The following DDAH1 variants were observed in gnomAD, a reference collection of about 807,000 sequenced individuals.
DDAH1 encodes the protein dimethylarginine dimethylaminohydrolase 1.
DDAH1 carries 19 observed loss-of-function variants against 28.8 expected under a neutral mutation model. The ratio of observed to expected loss-of-function variants is 0.66; its 90% CI spans 0.46 to 0.97. DDAH1 has a LOEUF of 0.97. Ranked by LOEUF, DDAH1 falls within the 50% of genes least tolerant of loss-of-function variation. The pLI, the probability that DDAH1 is intolerant of heterozygous loss-of-function variation, is 0.00. For missense variants in DDAH1, 326 were observed against 375.9 expected (o/e 0.87, Z 1.10); for synonymous variants, 153 against 154.4 (o/e 0.99, Z 0.07).
intron 1 of DDAH1, among the ~76,000 whole-genome samples, chr1:85,523,181 C>A (rs1657751097): frequency 6.6e-6 from 1 of 152,082 alleles, no homozygotes; most frequent in Admixed American, 6.5e-5. Flanking sequence ...GTGGAAAATT[C>A]AAAGCTGAGG....
chr1:85,499,454 C>T (rs535919201), intron 1 of DDAH1, among the ~76,000 whole-genome samples: 1 of 152,248 alleles, frequency 6.6e-6, no homozygotes, highest in Non-Finnish European at 1.5e-5. Context: ...GTGGGTGGCT[C>T]ACAAGGTCAG....
Position 85,576,806 on chromosome 1 carries a change from G to A in DDAH1, c.-123+1178C>T, listed in dbSNP as rs547693198. 4 of 152,716 alleles carry A rather than the reference G, an allele frequency of 2.6e-5. No individual in the cohort carries two copies. In the East Asian group the frequency reaches 5.9e-4, roughly 22 times the overall value. The allele number at this position is 152,716 out of a possible 1,614,324, so 9.5% of individuals were successfully genotyped here. ...CAGGGCGGACTTCGGCCCTCAGAGG[G>A]GTGAGGACTGGGGCCAAACTGCCCG... On this transcript the variant is annotated intron_variant, in intron 1 of 6. Transcript: ENST00000426972.
intron 1 of DDAH1, among the ~76,000 whole-genome samples, chr1:85,437,751 T>A (rs998259260): frequency 6.6e-6 from 1 of 152,236 alleles, no homozygotes; most frequent in African/African-American, 2.4e-5. Context: ...AATGTAAAGT[T>A]ATAAAATTTT....
rs201957050 is a variant in DDAH1 at position 85,538,703 on chromosome 1, G to C, written c.-123+39281C>G. On this transcript the variant is annotated intron_variant, in intron 1 of 6. Coordinates refer to the DDAH1 transcript ENST00000426972. ...GTCAAAATGAAAAGGCTCTGAAATT[G>C]CTGAGAAAGGAAAGAAGTGAAAGCA... Among the ~76,000 whole-genome samples the C allele has an allele frequency of 4.0e-3, 612 of 152,262 alleles. 7 individuals carry two copies. Among genetic ancestry groups the C allele is most frequent in the Admixed American group, 0.018 (275 of 15,290 alleles).
At chr1:85,546,147 T>A (rs1199222465) in intron 1 of DDAH1, among the ~76,000 whole-genome samples, 13 of 143,252 alleles carry the variant, frequency 9.1e-5, no homozygotes, top group East Asian at 2.1e-4. Context: ...AAAAAAAACA[T>A]GCGTTGGAAA....
intron 1 of DDAH1, among the ~76,000 whole-genome samples, chr1:85,417,711 G>T (rs1165644897): frequency 6.6e-6 from 1 of 152,042 alleles, no homozygotes; most frequent in African/African-American, 2.4e-5. Context: ...AATACAAAAA[G>T]AATAAAATAA....
At chr1:85,536,290 C>G (rs1658274281) in intron 1 of DDAH1, among the ~76,000 whole-genome samples, 1 of 151,910 alleles carries the variant, frequency 6.6e-6, no homozygotes, top group African/African-American at 2.4e-5. Context: ...TGCGGTGGCT[C>G]ACACCTGTAA....
intron 1 of DDAH1, among the ~76,000 whole-genome samples, chr1:85,393,207 C>A (rs912781980): frequency 9.2e-5 from 14 of 152,186 alleles, no homozygotes; most frequent in African/African-American, 3.4e-4. Flanking sequence ...ATCATCTTTA[C>A]TTCTTAAAAT....
intron 1 of DDAH1, among the ~76,000 whole-genome samples, chr1:85,421,729 G>A (rs1379521158): frequency 6.6e-6 from 1 of 152,056 alleles, no homozygotes; most frequent in Non-Finnish European, 1.5e-5. Flanking sequence ...CTTTCATTTA[G>A]CAATATGCAT....
intron 2 of DDAH1, among the ~76,000 whole-genome samples, chr1:85,473,612 T>C (rs1250933705): frequency 6.6e-6 from 1 of 152,118 alleles, no homozygotes; most frequent in East Asian, 1.9e-4. Flanking sequence ...GGAATCACTG[T>C]ATTTGCTTTT....
In DDAH1 at chr1:85,359,215, G is replaced by A. The variant is rs1316815976; in HGVS notation, c.304-368C>T. The stretch of plus-strand genomic sequence containing the variant: ...GCTGACCAGTTCGGCCACTGTTGGA[G>A]GCTGACAAGTTAGGGCATTTGTTAG... On this transcript the variant is annotated intron_variant, in intron 1 of 5. Transcript: ENST00000284031. Among the ~76,000 whole-genome samples the A allele has an allele frequency of 2.0e-5, 3 of 152,312 alleles. No individual in the cohort carries two copies. In the East Asian group the frequency reaches 5.8e-4, roughly 29 times the overall value.
chr1:85,438,168 G>C (rs1192202912), intron 1 of DDAH1, among the ~76,000 whole-genome samples: 2 of 152,108 alleles, frequency 1.3e-5, no homozygotes, highest in African/African-American at 4.8e-5. Context: ...ACAGACACTG[G>C]GGCTTACTAG....
intron 2 of DDAH1, among the ~76,000 whole-genome samples, chr1:85,488,993 A>G (rs2100725757): frequency 6.6e-6 from 1 of 152,354 alleles, no homozygotes; most frequent in African/African-American, 2.4e-5. Flanking sequence ...TACGCTATGA[A>G]ATGTATTTTT....
At chr1:85,470,501 T>C (rs949364678) in intron 2 of DDAH1, among the ~76,000 whole-genome samples, 1 of 152,172 alleles carries the variant, frequency 6.6e-6, no homozygotes, top group Non-Finnish European at 1.5e-5. Context: ...AACCAAACCA[T>C]ATCAGGGTGG....
intron 1 of DDAH1, among the ~76,000 whole-genome samples, chr1:85,571,787 C>CTTTTTTTTTTTT (rs58835610): frequency 2.3e-4 from 20 of 85,404 alleles, no homozygotes; most frequent in South Asian, 4.9e-4. Context: ...TGTTTATAAG[C>CTTTTTTTTTTTT]TTTTTTTTTT....
rs1362022185 is a variant in DDAH1, at chr1:85,335,963, A to AAAATG, written c.598-11085_598-11081dup. ...GGTGACAAAGTGAGACCCTGTCTCT[A>AAAATG]AAATGAAATAAAATAAAATAAAATA... On this transcript the variant is annotated intron_variant, in intron 4 of 5. Transcript: ENST00000284031. Among the ~76,000 whole-genome samples, 5 of 126,886 alleles carry AAAATG rather than the reference A, an allele frequency of 3.9e-5. No individual in the cohort carries two copies. The Admixed American group carries it at 4.4e-4, about 11-fold the overall frequency. The allele number at this position is 126,886 out of a possible 152,430, so 83.2% of individuals were successfully genotyped here.
chr1:85,548,564 C>G (rs1221207831), intron 1 of DDAH1, among the ~76,000 whole-genome samples: 1 of 152,138 alleles, frequency 6.6e-6, no homozygotes, highest in African/African-American at 2.4e-5. Flanking sequence ...ACAACACAAA[C>G]TATAGATAAA....
chr1:85,520,901 C>T (rs1184677041), intron 1 of DDAH1, among the ~76,000 whole-genome samples: 13 of 152,148 alleles, frequency 8.5e-5, no homozygotes, highest in African/African-American at 1.9e-4. Flanking sequence ...CTTATACATT[C>T]GCTGGCTCCA....
intron 2 of DDAH1, among the ~76,000 whole-genome samples, chr1:85,472,779 G>A (rs1475804753): frequency 1.3e-5 from 2 of 152,094 alleles, no homozygotes; most frequent in African/African-American, 4.8e-5. Context: ...TGGATATGTT[G>A]CATAATGCTG....
Sources: gnomAD v4.1 joint callset for allele counts (sites outside exome capture counted in the v4.1 genomes callset) on GRCh38, gnomAD v4.1.1 for gene constraint, MANE v1.5 for transcripts, NCBI Gene and HGNC (gene_info 2026-07-23, HGNC 2026-07-21) for gene names.